Variants in THAP4 observed in about 807,000 individuals in gnomAD.
The protein encoded by THAP4 is THAP domain containing 4, also known as peroxynitrite isomerase THAP4.
A neutral mutation model predicts 48.1 loss-of-function variants in THAP4; 18 were observed. That is an observed-to-expected ratio of 0.37 (90% CI 0.26 to 0.56). The LOEUF (loss-of-function observed/expected upper bound fraction) is 0.56, where lower values mean the gene tolerates loss of function less well. Among genes scored for constraint, THAP4 ranks in the 20% least tolerant of loss-of-function variants. THAP4 has a pLI of 0.78. For missense variants in THAP4, 656 were observed against 774.9 expected, an observed-to-expected ratio of 0.85 and a Z score of 1.82; for synonymous variants, 345 against 324.9, an observed-to-expected ratio of 1.06 and a Z score of -0.66.
chr2:241,623,084 T>A (rs1429011906), intron 2 of THAP4, among the ~76,000 whole-genome samples: 2 of 151,906 alleles, frequency 1.3e-5, no homozygotes, highest in Non-Finnish European at 2.9e-5. Context: ...GGTGTGGTAG[T>A]GCATGCCTGT....
At chr2:241,589,042 T>A (rs2066924940) in intron 5 of THAP4, among the ~76,000 whole-genome samples, 1 of 151,874 alleles carries the variant, frequency 6.6e-6, no homozygotes, top group Admixed American at 6.6e-5. Context: ...TGAAACCCCG[T>A]CTTTACTAAA....
At chr2:241,627,400 T>C (rs1352794555) in intron 2 of THAP4, among the ~76,000 whole-genome samples, 1 of 152,226 alleles carries the variant, frequency 6.6e-6, no homozygotes, top group East Asian at 1.9e-4. Context: ...CGTTTATAAC[T>C]CAGTGGGCAA....
chr2:241,608,763 C>T (rs1017968022), intron 2 of THAP4, among the ~76,000 whole-genome samples: 36 of 152,218 alleles, frequency 2.4e-4, no homozygotes, highest in Admixed American at 1.7e-3. Context: ...ACTGAATGTA[C>T]ATTAGGAGAT....
intron 2 of THAP4, among the ~76,000 whole-genome samples, chr2:241,620,098 CG>C (rs1260590066): frequency 1.8e-4 from 5 of 27,066 alleles, no homozygotes; most frequent in African/African-American, 3.1e-4. Flanking sequence ...GTGAGTGAGT[CG>C]GTGAGTGAGG....
intron 5 of THAP4, among the ~76,000 whole-genome samples, chr2:241,597,252 G>A (rs2067061905): frequency 6.6e-6 from 1 of 152,178 alleles, no homozygotes; most frequent in African/African-American, 2.4e-5. Context: ...TCCTGCTTCA[G>A]GCTCCCAAGT....
chr2:241,597,988 A>C (rs1044808026), intron 5 of THAP4, among the ~76,000 whole-genome samples: 12 of 152,238 alleles, frequency 7.9e-5, no homozygotes, highest in African/African-American at 2.4e-4. Flanking sequence ...CAAAAAAAAA[A>C]AAACAAAAAA....
intron 1 of THAP4, among the ~76,000 whole-genome samples, chr2:241,636,609 G>A (rs942906296): frequency 6.6e-6 from 1 of 152,118 alleles, no homozygotes; most frequent in Non-Finnish European, 1.5e-5. Context: ...CGGCCCGCGC[G>A]GTCCGGAGAG....
chr2:241,629,979 T>C (rs1051529391), intron 2 of THAP4, among the ~76,000 whole-genome samples: 1 of 152,112 alleles, frequency 6.6e-6, no homozygotes, highest in East Asian at 1.9e-4. Context: ...TACATTCTTC[T>C]AGCACTACAC....
chr2:241,612,309 C>T lies in THAP4; in HGVS notation c.1241-5836G>A, dbSNP rs112923177. 3.3e-5 allele frequency among the ~76,000 whole-genome samples: 5 copies of T among 152,128 alleles called. No individual in the cohort carries two copies. The highest frequency in any genetic ancestry group is 9.7e-5 in the African/African-American group (4 of 41,424). Reference sequence around the variant, plus strand: ...GGAAACAAAGTTAGAAGGACGGGAACGCCTGGCACACTGCTGATGGGGACG... The same window carrying T: ...GGAAACAAAGTTAGAAGGACGGGAATGCCTGGCACACTGCTGATGGGGACG... On this transcript the variant is annotated intron_variant, in intron 2 of 5. Transcript: ENST00000407315. The surrounding 1 kb of genome is among the most constrained non-coding windows in gnomAD (Gnocchi z 4.1).
chr2:241,631,494 GT>G (rs1237729150), intron 2 of THAP4, among the ~76,000 whole-genome samples: 3 of 152,122 alleles, frequency 2.0e-5, no homozygotes, highest in African/African-American at 4.8e-5. Flanking sequence ...TTGAGACAGG[GT>G]CTCACTGTCA....
intron 5 of THAP4, among the ~76,000 whole-genome samples, chr2:241,595,323 T>C (rs897167452): frequency 6.6e-6 from 1 of 151,914 alleles, no homozygotes; most frequent in Non-Finnish European, 1.5e-5. Context: ...CCCTGCATTA[T>C]ATCTTTAAAG....
chr2:241,625,378 G>C, intron 2 of THAP4, among the ~76,000 whole-genome samples: 1 of 151,808 alleles, frequency 6.6e-6, no homozygotes, highest in East Asian at 1.9e-4. Flanking sequence ...GAAAGGCTGT[G>C]GCAGGTGGGT....
At chr2:241,585,608 C>G (rs893479780) in intron 5 of THAP4, among the ~76,000 whole-genome samples, 1 of 151,950 alleles carries the variant, frequency 6.6e-6, no homozygotes, top group Admixed American at 6.5e-5. Flanking sequence ...GCAACTGGCC[C>G]CGATGCTTTT....
rs755919235 is a variant in THAP4 at position 241,601,803 on chromosome 2, G to C, written c.1614+93C>G. The C allele has an allele frequency of 1.7e-5, 27 of 1,566,126 alleles. No homozygotes were observed. The highest frequency in any genetic ancestry group is 7.6e-5 in the Admixed American group (4 of 52,354). ...ACAGGCCTGTGAGACACAGTGGCAA[G>C]ACACGCACTACCTCACGGAAGAGGA... On this transcript the variant is annotated intron_variant, in intron 5 of 5. Coordinates refer to ENST00000407315, the MANE Select transcript of THAP4 (RefSeq NM_015963.6). The surrounding 1 kb of genome is among the most constrained non-coding windows in gnomAD (Gnocchi z 4.0).
At chr2:241,620,054 G>C (rs182260955) in intron 2 of THAP4, among the ~76,000 whole-genome samples, 2 of 95,540 alleles carry the variant, frequency 2.1e-5, no homozygotes, top group Admixed American at 1.1e-4. Context: ...GTGAGTGAGG[G>C]GTGAGTGAGG....
intron 2 of THAP4, 131 bp from the exon 3 acceptor site, chr2:241,606,604 A>C (rs552080583): frequency 1.4e-4 from 128 of 888,846 alleles, no homozygotes; most frequent in Non-Finnish European, 2.0e-4. Flanking sequence ...ACCTGTCAAG[A>C]GCGGGAGAAA....
chr2:241,617,923 A>G (rs1488750992), intron 2 of THAP4, among the ~76,000 whole-genome samples: 1 of 152,214 alleles, frequency 6.6e-6, no homozygotes, highest in African/African-American at 2.4e-5. Context: ...CCGGGAACCC[A>G]GGACAGGAAG....
chr2:241,602,141 C>A, intron 4 of THAP4, 142 bp from the exon 5 acceptor site: 1 of 737,078 alleles, frequency 1.4e-6, no homozygotes, highest in Non-Finnish European at 2.2e-6. Context: ...CTCCTCCTCC[C>A]CACTTCACCC....
intron 3 of THAP4, among the ~76,000 whole-genome samples, chr2:241,604,943 A>C (rs556634669): frequency 3.9e-5 from 6 of 152,240 alleles, no homozygotes; most frequent in Non-Finnish European, 7.3e-5. Context: ...AAAGAAATAC[A>C]TTTATACCAT....
Sources: allele counts gnomAD v4.1 joint callset (sites outside exome capture counted in the v4.1 genomes callset), GRCh38; gene constraint gnomAD v4.1.1; non-coding constraint Gnocchi (gnomAD v3.1); transcripts MANE v1.5; gene names NCBI Gene and HGNC (gene_info 2026-07-23, HGNC 2026-07-21).